Variants in PRKAG2 observed in about 807,000 individuals in gnomAD.
PRKAG2 encodes the protein 5'-AMP-activated protein kinase subunit gamma-2.
Under a neutral mutation model 69.6 loss-of-function variants are expected in PRKAG2, and 26 were observed. That is an observed-to-expected ratio of 0.37 (90% confidence interval 0.27 to 0.52). The LOEUF is 0.52. PRKAG2 is among the 20% of genes least tolerant of loss of function. The probability of loss-of-function intolerance (pLI) is 0.90; values close to 1 mark genes in which losing one functional copy is unlikely to be tolerated. For missense variants in PRKAG2, 557 were observed against 740.0 expected (o/e 0.75, Z 2.87); for synonymous variants, 293 against 285.0 (o/e 1.03, Z -0.28).
intron 3 of PRKAG2, among the ~76,000 whole-genome samples, chr7:151,742,260 A>T (rs935975072): frequency 6.6e-6 from 1 of 152,218 alleles, no homozygotes; most frequent in Non-Finnish European, 1.5e-5. Flanking sequence ...TGTGGACTGA[A>T]GGGATTTGGA....
In PRKAG2 at chr7:151,649,722, C is replaced by T. The variant is rs868342663; in HGVS notation, c.685-17584G>A. Among the ~76,000 whole-genome samples, 6 of 152,232 alleles carry T rather than the reference C, an allele frequency of 3.9e-5. No individual in the cohort carries two copies. The South Asian group carries it at 1.2e-3, about 32-fold the overall frequency. ...CCTCCCCTCCTTCTTGCTCCTGCTC[C>T]CGCCACGTGAGGTATGTGCGGCCCC... On this transcript the variant is annotated intron_variant, in intron 4 of 15. Transcript: ENST00000287878.
chr7:151,818,654 CA>C (rs1480253026), intron 1 of PRKAG2, among the ~76,000 whole-genome samples: 4 of 152,234 alleles, frequency 2.6e-5, no homozygotes, highest in Non-Finnish European at 5.9e-5. Flanking sequence ...CACTGTCCTG[CA>C]AGATCTGTGC....
At chr7:151,830,168 T>C (rs2078992030) in intron 1 of PRKAG2, among the ~76,000 whole-genome samples, 1 of 150,510 alleles carries the variant, frequency 6.6e-6, no homozygotes, top group Non-Finnish European at 1.5e-5. Flanking sequence ...CTGGGGTCGC[T>C]GATAGAAGTT....
chr7:151,723,206 A>G (rs1268125358), intron 3 of PRKAG2, among the ~76,000 whole-genome samples: 1 of 152,266 alleles, frequency 6.6e-6, no homozygotes, highest in South Asian at 2.1e-4. Context: ...CCCTGGTAAA[A>G]GCCATAAGTC....
intron 3 of PRKAG2, among the ~76,000 whole-genome samples, chr7:151,686,460 C>T (rs1368133890): frequency 1.3e-5 from 2 of 152,154 alleles, no homozygotes; most frequent in African/African-American, 4.8e-5. Context: ...ATAGGAATGA[C>T]TCTCCCTGCA....
chr7:151,687,627 C>A (rs1165404989), intron 3 of PRKAG2, among the ~76,000 whole-genome samples: 1 of 152,142 alleles, frequency 6.6e-6, no homozygotes, highest in Non-Finnish European at 1.5e-5. Flanking sequence ...CATCTCAGAA[C>A]CTCATTTTCG....
At chr7:151,759,974 G>T (rs2075320039) in intron 3 of PRKAG2, among the ~76,000 whole-genome samples, 1 of 152,258 alleles carries the variant, frequency 6.6e-6, no homozygotes, top group Non-Finnish European at 1.5e-5. Flanking sequence ...AGGCTGAGCG[G>T]CTGTCCCAAG....
At chr7:151,590,110 C>G (rs1812687311) in intron 6 of PRKAG2, among the ~76,000 whole-genome samples, 2 of 152,190 alleles carry the variant, frequency 1.3e-5, no homozygotes, top group Admixed American at 1.3e-4. Context: ...AAAAAGCCAT[C>G]ATCTGTGCCT....
At chr7:151,751,059 T>C (rs183675082) in intron 3 of PRKAG2, among the ~76,000 whole-genome samples, 44 of 152,196 alleles carry the variant, frequency 2.9e-4, no homozygotes, top group Admixed American at 2.6e-3. Flanking sequence ...TTTTGAGGAT[T>C]GCCTAGGCAT....
chr7:151,673,976 G>A (rs1481549964), intron 4 of PRKAG2, among the ~76,000 whole-genome samples: 2 of 151,654 alleles, frequency 1.3e-5, no homozygotes, highest in Non-Finnish European at 2.9e-5. Context: ...TGACTAGTTG[G>A]GATTACAGGT....
At position 151,874,255 on chromosome 7, in the gene PRKAG2, GATGTAT is replaced by G. The variant is rs1199962817; in HGVS notation, c.114+2246_114+2251del. 4.7e-5 allele frequency among the ~76,000 whole-genome samples: 5 copies of G among 106,352 alleles called. 1 individual carries two copies. The highest frequency in any genetic ancestry group is 8.1e-5 in the African/African-American group (2 of 24,754). 69.8% of individuals were successfully genotyped at this position (106,352 alleles called of 152,430 possible). A position where few individuals can be genotyped will look rare whatever the true frequency, so the allele number is the denominator to read the frequency against. ...ATATGATGTATATGTATATGTATAT[GATGTAT>G]ATGTATATGTATATGATATATATGT... On this transcript the variant is annotated intron_variant, in intron 1 of 15. Transcript: ENST00000287878.
intron 3 of PRKAG2, among the ~76,000 whole-genome samples, chr7:151,708,891 A>G (rs1563488509): frequency 6.6e-6 from 1 of 152,160 alleles, no homozygotes; most frequent in African/African-American, 2.4e-5. Flanking sequence ...GCACCCATGG[A>G]CAGAGCTGAA....
chr7:151,629,148 T>C (rs1252648885), intron 5 of PRKAG2, among the ~76,000 whole-genome samples: 1 of 152,214 alleles, frequency 6.6e-6, no homozygotes, highest in Non-Finnish European at 1.5e-5. Flanking sequence ...TCTGCTTTCT[T>C]GCTACAAGGG....
intron 6 of PRKAG2, among the ~76,000 whole-genome samples, chr7:151,584,554 G>A (rs73727861): frequency 0.033 from 5,071 of 152,178 alleles, 291 homozygotes; most frequent in African/African-American, 0.12. Flanking sequence ...AGATCAACTC[G>A]GGGGTCTCAG....
At chr7:151,629,060 C>G (rs986026070) in intron 5 of PRKAG2, among the ~76,000 whole-genome samples, 7 of 152,192 alleles carry the variant, frequency 4.6e-5, no homozygotes, top group Non-Finnish European at 8.8e-5. Flanking sequence ...GCACACTATG[C>G]CTGAGGGCCA....
At chr7:151,667,449 AAACC>A (rs1373046808) in intron 4 of PRKAG2, among the ~76,000 whole-genome samples, 1 of 152,228 alleles carries the variant, frequency 6.6e-6, no homozygotes, top group Non-Finnish European at 1.5e-5. Flanking sequence ...CTAGCTGTTG[AAACC>A]AAGTGATAAG....
intron 1 of PRKAG2, among the ~76,000 whole-genome samples, chr7:151,849,493 G>A (rs907396196): frequency 6.6e-6 from 1 of 152,224 alleles, no homozygotes; most frequent in Admixed American, 6.5e-5. Context: ...AAGTCCTGCT[G>A]TATTCATTTC....
chr7:151,595,566 T>C (rs1814287973), intron 5 of PRKAG2, 112 bp from the exon 6 acceptor site: 1 of 789,344 alleles, frequency 1.3e-6, no homozygotes, highest in South Asian at 1.4e-5. Context: ...TACGAAATGT[T>C]TTCCCAGTAT....
At chr7:151,707,761 A>T (rs1339870126) in intron 3 of PRKAG2, among the ~76,000 whole-genome samples, 1 of 152,188 alleles carries the variant, frequency 6.6e-6, no homozygotes, top group Non-Finnish European at 1.5e-5. Flanking sequence ...AACCAAGTTA[A>T]ACCGGCCAGC....
Sources: allele counts gnomAD v4.1 joint callset (sites outside exome capture counted in the v4.1 genomes callset), GRCh38; gene constraint gnomAD v4.1.1; transcripts MANE v1.5; gene names NCBI Gene and HGNC (gene_info 2026-07-23, HGNC 2026-07-21).